The following DPP10 variants were observed in gnomAD, a reference collection of about 807,000 sequenced individuals.
DPP10 encodes the protein dipeptidyl peptidase like 10.
DPP10 carries 33 observed loss-of-function variants against 120.9 expected under a neutral mutation model. The observed-to-expected ratio is 0.27, with a 90% CI of 0.21 to 0.37. The LOEUF (loss-of-function observed/expected upper bound fraction) is 0.37. DPP10 is among the 10% of genes least tolerant of loss of function. DPP10 has a pLI of 1.00. For synonymous variants in DPP10, 337 were observed against 326.1 expected, an observed-to-expected ratio of 1.03 and a Z score of -0.36; for missense variants, 816 against 942.8, an observed-to-expected ratio of 0.87 and a Z score of 1.76.
intron 1 of DPP10, among the ~76,000 whole-genome samples, chr2:114,749,324 T>G (rs1678957303): frequency 2.0e-5 from 3 of 152,076 alleles, no homozygotes; most frequent in African/African-American, 7.2e-5. Flanking sequence ...CAAAGGGAAT[T>G]TTCTAACATG....
chr2:115,009,439 T>A (rs1023395201), intron 1 of DPP10, among the ~76,000 whole-genome samples: 4 of 149,920 alleles, frequency 2.7e-5, no homozygotes, highest in Non-Finnish European at 5.9e-5. Context: ...GGGTGGGGGT[T>A]GGTGGGGAGG....
At chr2:115,631,037 C>CTTTTTT (rs58468918) in intron 5 of DPP10, among the ~76,000 whole-genome samples, 6 of 111,354 alleles carry the variant, frequency 5.4e-5, no homozygotes, top group African/African-American at 1.4e-4. Flanking sequence ...TGATCCTGGG[C>CTTTTTT]TTTTTTTTTT....
At chr2:114,760,970 T>A (rs896601654) in intron 1 of DPP10, among the ~76,000 whole-genome samples, 2 of 152,202 alleles carry the variant, frequency 1.3e-5, no homozygotes, top group Non-Finnish European at 2.9e-5. Context: ...AATCAAAAAA[T>A]TTTTCTTGAC....
At chr2:115,432,823 G>T (rs572611176) in intron 3 of DPP10, among the ~76,000 whole-genome samples, 1 of 151,994 alleles carries the variant, frequency 6.6e-6, no homozygotes, top group African/African-American at 2.4e-5. Context: ...GACTACAAAT[G>T]CTGCTGAACG....
chr2:115,061,979 T>C (rs1484306174), intron 1 of DPP10, among the ~76,000 whole-genome samples: 1 of 152,092 alleles, frequency 6.6e-6, no homozygotes, highest in Non-Finnish European at 1.5e-5. Context: ...TTCTGTTGTT[T>C]TTTTTAAATA....
intron 4 of DPP10, among the ~76,000 whole-genome samples, chr2:115,523,260 CGTT>C (rs2077924790): frequency 6.6e-6 from 1 of 152,016 alleles, no homozygotes; most frequent in South Asian, 2.1e-4. Flanking sequence ...GATACTAAGA[CGTT>C]GTTACCGGAG....
At chr2:114,645,395 T>C (rs999173200) in intron 1 of DPP10, among the ~76,000 whole-genome samples, 1 of 152,156 alleles carries the variant, frequency 6.6e-6, no homozygotes, top group African/African-American at 2.4e-5. Flanking sequence ...TTGGGAAAAC[T>C]TTTTTATGGA....
At chr2:115,264,283 TA>T (rs1165146111) in intron 1 of DPP10, among the ~76,000 whole-genome samples, 1 of 152,236 alleles carries the variant, frequency 6.6e-6, no homozygotes, top group African/African-American at 2.4e-5. Context: ...CGACAAAATT[TA>T]TCCCTCACTG....
chr2:115,661,250 G>A (rs1310171920), intron 5 of DPP10, among the ~76,000 whole-genome samples: 2 of 152,092 alleles, frequency 1.3e-5, no homozygotes, highest in Non-Finnish European at 2.9e-5. Flanking sequence ...CGACCAGCCT[G>A]AAATATATTT....
intron 1 of DPP10, among the ~76,000 whole-genome samples, chr2:114,456,145 T>A (rs1678575556): frequency 6.6e-6 from 1 of 152,144 alleles, no homozygotes; most frequent in Non-Finnish European, 1.5e-5. Context: ...TAATGGAGAC[T>A]GTAAGGGGAG....
At chr2:115,065,755 T>C (rs1706784014) in intron 1 of DPP10, 1 of 151,664 alleles carries the variant, frequency 6.6e-6, no homozygotes, top group South Asian at 2.1e-4. Flanking sequence ...AGTAGAAGAG[T>C]AAAATTGTAT....
chr2:114,942,533 G>GT (rs1242401141), intron 1 of DPP10, among the ~76,000 whole-genome samples: 1 of 150,468 alleles, frequency 6.6e-6, no homozygotes, highest in Admixed American at 6.6e-5. Context: ...AAGTCAATCT[G>GT]TCTTTTGATT....
At chr2:114,918,495 C>T (rs146552608) in intron 1 of DPP10, among the ~76,000 whole-genome samples, 25 of 152,264 alleles carry the variant, frequency 1.6e-4, no homozygotes, top group African/African-American at 5.5e-4. Flanking sequence ...CATTTGCATG[C>T]ATATATCCAT....
At chr2:114,643,933 A>ATTT (rs1220069237) in intron 1 of DPP10, among the ~76,000 whole-genome samples, 11 of 133,836 alleles carry the variant, frequency 8.2e-5, no homozygotes, top group African/African-American at 1.2e-4. Flanking sequence ...ATATATATAT[A>ATTT]TATTTTTTTT....
At chr2:115,060,514 C>G (rs1439084129) in intron 1 of DPP10, among the ~76,000 whole-genome samples, 1 of 152,118 alleles carries the variant, frequency 6.6e-6, no homozygotes, top group Non-Finnish European at 1.5e-5. Context: ...ATCCCTTGAG[C>G]CTGGAACTTC....
At chr2:114,801,979 G>A (rs189271254) in intron 1 of DPP10, among the ~76,000 whole-genome samples, 3 of 152,252 alleles carry the variant, frequency 2.0e-5, no homozygotes, top group East Asian at 1.9e-4. Context: ...ATGTGGAAAC[G>A]TCTCTAGGTG....
intron 7 of DPP10, among the ~76,000 whole-genome samples, chr2:115,717,057 A>G (rs1476866731): frequency 6.6e-6 from 1 of 152,242 alleles, no homozygotes; most frequent in Non-Finnish European, 1.5e-5. Context: ...GCTGAAATGC[A>G]TATGCAGGAT....
chr2:115,390,394 T>C (rs2067240394), intron 3 of DPP10, among the ~76,000 whole-genome samples: 1 of 152,216 alleles, frequency 6.6e-6, no homozygotes, highest in Non-Finnish European at 1.5e-5. Flanking sequence ...TTTCTGTTGA[T>C]GACACGTTGC....
intron 1 of DPP10, among the ~76,000 whole-genome samples, chr2:114,621,134 G>A (rs2105330580): frequency 6.6e-6 from 1 of 152,080 alleles, no homozygotes; most frequent in African/African-American, 2.4e-5. Context: ...CATGGAAATA[G>A]GATTGAAAAT....
Sources: allele counts gnomAD v4.1 joint callset (sites outside exome capture counted in the v4.1 genomes callset), GRCh38; gene constraint gnomAD v4.1.1; transcripts MANE v1.5; gene names NCBI Gene and HGNC (gene_info 2026-07-23, HGNC 2026-07-21).